Variants in CALN1 observed in about 807,000 individuals in gnomAD.
CALN1 encodes calneuron 1.
A neutral mutation model predicts 30.6 loss-of-function variants in CALN1; 17 were observed. That is an observed-to-expected ratio of 0.56 (90% CI 0.38 to 0.83). The LOEUF (loss-of-function observed/expected upper bound fraction) is 0.83. CALN1 is among the 40% of genes least tolerant of loss of function. The probability of loss-of-function intolerance (pLI) is 0.00; values close to 1 mark genes in which losing one functional copy is unlikely to be tolerated. For missense variants in CALN1, 291 were observed against 354.9 expected (o/e 0.82, Z 1.45); for synonymous variants, 156 against 131.4 (o/e 1.19, Z -1.28).
At chr7:72,475,390 C>T in the CALN1 span, among the ~76,000 whole-genome samples, 5 of 152,028 alleles carry the variant, frequency 3.3e-5, no homozygotes, top group Admixed American at 6.6e-5. Context: ...AGGAGGTGGA[C>T]GGAGGTTGCA....
intron 5 of CALN1, among the ~76,000 whole-genome samples, chr7:71,939,182 C>A (rs1307397090): frequency 6.6e-6 from 1 of 152,090 alleles, no homozygotes; most frequent in Non-Finnish European, 1.5e-5. Flanking sequence ...TAGGTCATAT[C>A]TTTTGCGATA....
At chr7:71,899,180 G>A (rs923155002) in intron 5 of CALN1, among the ~76,000 whole-genome samples, 4 of 138,050 alleles carry the variant, frequency 2.9e-5, no homozygotes, top group Non-Finnish European at 4.6e-5. Flanking sequence ...AGTTTCACTC[G>A]TCGCCCAGGC....
intron 1 of CALN1, among the ~76,000 whole-genome samples, chr7:72,437,818 TCCTTCCTTCCTCCCTCCCTTCCATCCTC>T (rs1362831771): frequency 6.9e-6 from 1 of 144,266 alleles, no homozygotes; most frequent in Non-Finnish European, 1.5e-5. Flanking sequence ...CTTCCTTCTT[TCCTTCCTTCCTCCCTCCCTTCCATCCTC>T]CCTTCCTTCC....
At chr7:72,095,552 G>A (rs1298224593) in intron 4 of CALN1, among the ~76,000 whole-genome samples, 3 of 151,990 alleles carry the variant, frequency 2.0e-5, no homozygotes, top group African/African-American at 7.3e-5. Flanking sequence ...GAATTATATC[G>A]TTTGTAAACT....
chr7:72,334,907 C>T (rs112247858), intron 2 of CALN1, among the ~76,000 whole-genome samples: 3 of 152,306 alleles, frequency 2.0e-5, no homozygotes, highest in African/African-American at 4.8e-5. Flanking sequence ...ACAAACAGAG[C>T]CATTCCACTG....
intron 2 of CALN1, among the ~76,000 whole-genome samples, chr7:72,395,941 T>G (rs1194662049): frequency 6.6e-6 from 1 of 151,958 alleles, no homozygotes; most frequent in Non-Finnish European, 1.5e-5. Flanking sequence ...GACCTCCAAA[T>G]ATATATATTT....
chr7:72,492,465 A>C, the CALN1 span, among the ~76,000 whole-genome samples: 1 of 152,292 alleles, frequency 6.6e-6, no homozygotes, highest in Non-Finnish European at 1.5e-5. Context: ...GGTGCTTACT[A>C]CAGGGGCTGT....
chr7:72,219,181 T>A (rs1201743181), intron 3 of CALN1, among the ~76,000 whole-genome samples: 1 of 152,164 alleles, frequency 6.6e-6, no homozygotes, highest in Non-Finnish European at 1.5e-5. Context: ...GAAAAATTCT[T>A]CCCTAGTGAC....
chr7:72,270,977 G>A (rs962867642), intron 3 of CALN1, among the ~76,000 whole-genome samples: 3 of 152,140 alleles, frequency 2.0e-5, no homozygotes, highest in Admixed American at 6.5e-5. Flanking sequence ...CAGAGAGGAA[G>A]GAAGACTTAC....
At chr7:72,271,888 C>T (rs1797018797) in intron 3 of CALN1, among the ~76,000 whole-genome samples, 1 of 151,380 alleles carries the variant, frequency 6.6e-6, no homozygotes, top group African/African-American at 2.4e-5. Flanking sequence ...ATGGTGAAAC[C>T]CCATTTCTAC....
intron 6 of CALN1, among the ~76,000 whole-genome samples, chr7:71,798,597 C>T (rs1218911611): frequency 3.3e-5 from 5 of 151,062 alleles, no homozygotes; most frequent in East Asian, 2.0e-4. Context: ...TGAGCCACCA[C>T]GCCTGGCTGG....
At chr7:72,112,266 G>A (rs1208104241) in intron 3 of CALN1, among the ~76,000 whole-genome samples, 1 of 152,164 alleles carries the variant, frequency 6.6e-6, no homozygotes, top group Non-Finnish European at 1.5e-5. Flanking sequence ...TAGCTTTGAA[G>A]AATCAGGTGA....
At chr7:71,993,107 A>G (rs1584699185) in intron 5 of CALN1, among the ~76,000 whole-genome samples, 1 of 152,188 alleles carries the variant, frequency 6.6e-6, no homozygotes, top group East Asian at 1.9e-4. Flanking sequence ...AGGCTGTAGC[A>G]GCCCTTTTGT....
chr7:72,194,593 T>C (rs1260929016), intron 3 of CALN1, among the ~76,000 whole-genome samples: 1 of 77,696 alleles, frequency 1.3e-5, no homozygotes, highest in African/African-American at 5.7e-5. Flanking sequence ...AACTGGCCTC[T>C]TTTTTTTTTT....
In CALN1 at chr7:71,784,320, G is replaced by A. The variant is rs1204384254; in HGVS notation, c.*3455C>T. The stretch of plus-strand genomic sequence containing the variant: ...TCCCAGCAGGATACAGATGCAGAGA[G>A]TCAGGTTGCACTCAGGCTGAATTGG... On this transcript the variant is annotated 3_prime_UTR_variant, in exon 7 of 7. Coordinates refer to ENST00000395275, the MANE Select transcript of CALN1 (RefSeq NM_031468.4). The A allele has an allele frequency of 6.6e-6, 1 of 152,410 alleles. No homozygotes were observed. Among genetic ancestry groups the A allele is most frequent in the Non-Finnish European group, 1.5e-5 (1 of 68,184 alleles). The allele number at this position is 152,410 out of a possible 1,614,324, so 9.4% of individuals were successfully genotyped here.
chr7:72,311,651 ATTTTTTTTTTTT>A (rs56197069), intron 2 of CALN1, among the ~76,000 whole-genome samples: 1 of 48,470 alleles, frequency 2.1e-5, no homozygotes, highest in South Asian at 1.0e-3. Flanking sequence ...CCTGGCTGAG[ATTTTTTTTTTTT>A]TTTTTTTTTT....
intron 5 of CALN1, among the ~76,000 whole-genome samples, chr7:71,859,030 ATTTTTCTTTTTGTCT>A (rs780779128): frequency 2.6e-5 from 4 of 151,644 alleles, no homozygotes; most frequent in African/African-American, 4.8e-5. Context: ...CTGGGTAATC[ATTTTTCTTTTTGTCT>A]TTTTTCTTTT....
chr7:71,967,871 A>C (rs1797607727), intron 5 of CALN1, among the ~76,000 whole-genome samples: 1 of 152,196 alleles, frequency 6.6e-6, no homozygotes, highest in Non-Finnish European at 1.5e-5. Flanking sequence ...CGAACAAAAG[A>C]AGCTAAGAAT....
At chr7:71,909,782 G>A (rs577693753) in intron 5 of CALN1, among the ~76,000 whole-genome samples, 21 of 152,314 alleles carry the variant, frequency 1.4e-4, no homozygotes, top group African/African-American at 5.1e-4. Context: ...TGTCAGGACT[G>A]TTGAGTTATG....
Sources: gnomAD v4.1 joint callset for allele counts (sites outside exome capture counted in the v4.1 genomes callset) on GRCh38, gnomAD v4.1.1 for gene constraint, MANE v1.5 for transcripts, NCBI Gene and HGNC (gene_info 2026-07-23, HGNC 2026-07-21) for gene names.